Variants in GPR158 observed in about 807,000 individuals in gnomAD.
The protein encoded by GPR158 is G protein-coupled receptor 158.
A neutral mutation model predicts 78.2 loss-of-function variants in GPR158; 30 were observed. That is an observed-to-expected ratio of 0.38 (90% CI 0.29 to 0.52). GPR158 has a LOEUF of 0.52. GPR158 is among the 20% of genes least tolerant of loss of function. The pLI is 0.83. For synonymous variants in GPR158, 581 were observed against 591.1 expected, an observed-to-expected ratio of 0.98 and a Z score of 0.25; for missense variants, 1,463 against 1,523.5, an observed-to-expected ratio of 0.96 and a Z score of 0.66.
intron 2 of GPR158, among the ~76,000 whole-genome samples, chr10:25,311,980 T>C (rs1339191370): frequency 6.6e-6 from 1 of 152,068 alleles, no homozygotes; most frequent in East Asian, 1.9e-4. Context: ...TGGATACTTA[T>C]ATCCATTTAT....
chr10:25,387,756 C>T (rs1488491908), intron 2 of GPR158, among the ~76,000 whole-genome samples: 5 of 152,094 alleles, frequency 3.3e-5, no homozygotes, highest in Admixed American at 3.3e-4. Context: ...CCTCATGATC[C>T]ACCTGCCTCA....
chr10:25,437,342 C>T (rs1250591818), intron 4 of GPR158, among the ~76,000 whole-genome samples: 2 of 151,960 alleles, frequency 1.3e-5, no homozygotes, highest in African/African-American at 2.4e-5. Flanking sequence ...CCTCCCACCC[C>T]AACCTCCTGA....
At chr10:25,252,702 C>T (rs1322156075) in intron 2 of GPR158, among the ~76,000 whole-genome samples, 2 of 152,176 alleles carry the variant, frequency 1.3e-5, no homozygotes, top group African/African-American at 4.8e-5. Context: ...CTGGGAGAAC[C>T]ACTGCTCCCT....
At chr10:25,296,963 G>T in intron 2 of GPR158, among the ~76,000 whole-genome samples, 1 of 152,144 alleles carries the variant, frequency 6.6e-6, no homozygotes, top group South Asian at 2.1e-4. Context: ...TTCTGTTTCA[G>T]CACAGTAATG....
chr10:25,385,021 A>G (rs1437695991), intron 2 of GPR158, among the ~76,000 whole-genome samples: 1 of 152,140 alleles, frequency 6.6e-6, no homozygotes, highest in Non-Finnish European at 1.5e-5. Flanking sequence ...TTAACTGTAC[A>G]ATTTGGTAAT....
At chr10:25,586,389 G>GA (rs200765670) in intron 7 of GPR158, among the ~76,000 whole-genome samples, 2 of 119,228 alleles carry the variant, frequency 1.7e-5, no homozygotes, top group Non-Finnish European at 3.6e-5. Context: ...AGGTATGTGT[G>GA]AATTTTTTTT....
intron 3 of GPR158, among the ~76,000 whole-genome samples, chr10:25,402,966 A>G (rs1471291925): frequency 6.6e-6 from 1 of 151,792 alleles, no homozygotes; most frequent in African/African-American, 2.4e-5. Context: ...TGGAATGTAT[A>G]CAAAGTAGAA....
At chr10:25,447,132 T>C (rs1835147299) in intron 4 of GPR158, among the ~76,000 whole-genome samples, 1 of 152,170 alleles carries the variant, frequency 6.6e-6, no homozygotes, top group Non-Finnish European at 1.5e-5. Flanking sequence ...GCAAAATTGT[T>C]TATACCTAAG....
chr10:25,241,129 CTTTCTT>C (rs1294120439), intron 2 of GPR158, among the ~76,000 whole-genome samples: 13 of 39,132 alleles, frequency 3.3e-4, no homozygotes, highest in African/African-American at 8.0e-4. Flanking sequence ...CTTTGATTTT[CTTTCTT>C]TCTTTCTTTC....
Position 25,422,850 on chromosome 10 carries a change from A to ACCC in GPR158, c.1335+10383_1335+10385dup, listed in dbSNP as rs11424448. ...CTAATGTACAGTCTTTTATTCCCTT[A>ACCC]CCCCCCCCACACTTTCCCCCAAGTC... On this transcript the variant is annotated intron_variant, in intron 4 of 10. Transcript: ENST00000376351. 7.1e-3 allele frequency among the ~76,000 whole-genome samples: 927 copies of ACCC among 130,316 alleles called. 9 individuals are homozygous for ACCC. Among genetic ancestry groups the ACCC allele is most frequent in the African/African-American group, 0.02 (705 of 35,018 alleles). 85.5% of individuals were successfully genotyped at this position (130,316 alleles called of 152,430 possible). A position where few individuals can be genotyped will look rare whatever the true frequency, so the allele number is the denominator to read the frequency against.
Position 25,412,462 on chromosome 10 carries a change from C to G in GPR158, c.1324C>G (p.Arg442Gly), listed in dbSNP as rs200936444. Residue 442 changes from arginine to glycine, a missense_variant, in exon 4 of 11, where the codon CGC (arginine) becomes GGC (glycine). Coordinates refer to ENST00000376351, the MANE Select transcript of GPR158 (RefSeq NM_020752.3). ...FVSMLVVYHF[R>G]KAKSIRASGL... ...TAGCATGCTGGTGGTCTACCACTTT[C>G]GCAAAGCAAAGGTAAACCCAGGAAC... 1 of 1,612,572 alleles carries G rather than the reference C, an allele frequency of 6.2e-7. No individual in the cohort carries two copies. Among genetic ancestry groups the G allele is most frequent in the South Asian group, 1.1e-5 (1 of 91,038 alleles).
At chr10:25,594,536 G>T (rs938850175) in intron 9 of GPR158, 139 bp downstream of exon 9, 2 of 468,798 alleles carry the variant, frequency 4.3e-6, no homozygotes, top group Non-Finnish European at 7.5e-6. Flanking sequence ...CAGGAAACTG[G>T]CTGTTTTCTC....
intron 5 of GPR158, among the ~76,000 whole-genome samples, chr10:25,508,054 C>T (rs1216643689): frequency 1.3e-5 from 2 of 152,208 alleles, no homozygotes; most frequent in Non-Finnish European, 2.9e-5. Flanking sequence ...ATTCCCATAT[C>T]AGTCAAGGGA....
At chr10:25,465,906 A>G (rs1835415133) in intron 4 of GPR158, among the ~76,000 whole-genome samples, 1 of 152,190 alleles carries the variant, frequency 6.6e-6, no homozygotes, top group African/African-American at 2.4e-5. Context: ...TCCTGGGTCA[A>G]TAGGGACTTC....
At chr10:25,307,864 T>C (rs1167149955) in intron 2 of GPR158, among the ~76,000 whole-genome samples, 1 of 152,208 alleles carries the variant, frequency 6.6e-6, no homozygotes, top group Non-Finnish European at 1.5e-5. Context: ...AATAACCTTG[T>C]GCTTATGTGT....
At chr10:25,521,656 C>T (rs1242921969) in intron 5 of GPR158, among the ~76,000 whole-genome samples, 1 of 152,088 alleles carries the variant, frequency 6.6e-6, no homozygotes, top group African/African-American at 2.4e-5. Flanking sequence ...ATTTGGTAGA[C>T]TATGTCAGAG....
intron 4 of GPR158, among the ~76,000 whole-genome samples, chr10:25,446,282 G>T (rs1564457910): frequency 6.6e-6 from 1 of 152,108 alleles, no homozygotes; most frequent in African/African-American, 2.4e-5. Context: ...TAAGTACTCA[G>T]TTCTATTTAC....
intron 2 of GPR158, among the ~76,000 whole-genome samples, chr10:25,317,606 A>C (rs1218008506): frequency 6.6e-6 from 1 of 151,750 alleles, no homozygotes; most frequent in Non-Finnish European, 1.5e-5. Flanking sequence ...TACTTGTTTG[A>C]GAATATTTAA....
At chr10:25,597,657 G>C (rs1021056506) in intron 10 of GPR158, 115 bp from the exon 11 acceptor site, 20 of 654,686 alleles carry the variant, frequency 3.1e-5, no homozygotes, top group Admixed American at 6.4e-5. Context: ...GAAAGCTGTA[G>C]AGCAGTTGCC....
Sources: allele counts gnomAD v4.1 joint callset (sites outside exome capture counted in the v4.1 genomes callset), GRCh38; gene constraint gnomAD v4.1.1; transcripts MANE v1.5; gene names NCBI Gene and HGNC (gene_info 2026-07-23, HGNC 2026-07-21).